CPAP: variants seen among roughly 807,000 people sequenced by gnomAD.
The protein encoded by CPAP is centrosome assembly and centriole elongation protein.
the CPAP span, among the ~76,000 whole-genome samples, chr13:24,903,740 T>C: frequency 7.2e-5 from 11 of 152,318 alleles, no homozygotes; most frequent in Middle Eastern, 3.4e-3. Context: ...AATTCCCCTT[T>C]GTACACATCA....
the CPAP span, among the ~76,000 whole-genome samples, chr13:24,921,380 G>C: frequency 0.52 from 79,242 of 151,878 alleles, 20,755 homozygotes; most frequent in Middle Eastern, 0.61. Flanking sequence ...ACATACTGAA[G>C]ACCACCTGGT....
chr13:24,889,534 C>A, the CPAP span: 1 of 675,714 alleles, frequency 1.5e-6, no homozygotes, highest in Non-Finnish European at 2.6e-6. Flanking sequence ...ATTTATACAA[C>A]AGGCCAAAGC....
the CPAP span, among the ~76,000 whole-genome samples, chr13:24,887,989 TC>T: frequency 6.6e-6 from 1 of 152,218 alleles, no homozygotes; most frequent in East Asian, 1.9e-4. Context: ...AGAGGGCAGT[TC>T]CGGGCTGCCA....
chr13:24,905,449 C>A, the CPAP span: 1 of 1,614,150 alleles, frequency 6.2e-7, no homozygotes, highest in Non-Finnish European at 8.5e-7. Context: ...TCATCAGCTC[C>A]GATGTAGGAG....
chr13:24,893,438 G>A, the CPAP span, among the ~76,000 whole-genome samples: 16 of 152,256 alleles, frequency 1.1e-4, no homozygotes, highest in African/African-American at 3.6e-4. Context: ...CTAGAGTCGA[G>A]GAAGGAGCAG....
At chr13:24,916,043 A>G in the CPAP span, among the ~76,000 whole-genome samples, 1 of 152,200 alleles carries the variant, frequency 6.6e-6, no homozygotes, top group Non-Finnish European at 1.5e-5. Context: ...GCATGACAGA[A>G]TAAGAAATTG....
the CPAP span, among the ~76,000 whole-genome samples, chr13:24,888,313 T>C: frequency 6.4e-3 from 976 of 151,646 alleles, 8 homozygotes; most frequent in Non-Finnish European, 7.9e-3. Flanking sequence ...ATATTAGCAG[T>C]GCTTGTAACT....
chr13:24,882,352 T>C, the CPAP span: 1 of 151,916 alleles, frequency 6.6e-6, no homozygotes, highest in Non-Finnish European at 1.5e-5. Context: ...CAAAACCTGA[T>C]TCATAGTATA....
the CPAP span, chr13:24,905,218 T>C: frequency 1.2e-6 from 1 of 857,088 alleles, no homozygotes; most frequent in Non-Finnish European, 1.9e-6. Flanking sequence ...TTTTTACAAA[T>C]CACCCATTAA....
At chr13:24,932,943 T>C in the CPAP span, 3 of 1,159,692 alleles carry the variant, frequency 2.6e-6, no homozygotes, top group South Asian at 1.3e-5. Context: ...TGTATAACAA[T>C]TCTAAATTCA....
chr13:24,899,836 T>A, the CPAP span, among the ~76,000 whole-genome samples: 10 of 152,110 alleles, frequency 6.6e-5, no homozygotes, highest in Non-Finnish European at 1.3e-4. Context: ...CTGGGCACAG[T>A]GGCTCAAGTC....
chr13:24,892,846 C>G, the CPAP span: 1 of 1,608,830 alleles, frequency 6.2e-7, no homozygotes. Context: ...TCCCGTAAAT[C>G]TGCTATTTGC....
chr13:24,903,398 T>G, the CPAP span, among the ~76,000 whole-genome samples: 12 of 152,162 alleles, frequency 7.9e-5, no homozygotes, highest in African/African-American at 2.9e-4. Flanking sequence ...GAATGCCATG[T>G]GAAGACACAC....
chr13:24,920,024 G>A, the CPAP span, among the ~76,000 whole-genome samples: 1 of 151,956 alleles, frequency 6.6e-6, no homozygotes, highest in East Asian at 1.9e-4. Context: ...CTCCTGCTTC[G>A]GCCTCCCAAA....
the CPAP span, among the ~76,000 whole-genome samples, chr13:24,910,516 T>C: frequency 3.0e-3 from 461 of 152,240 alleles, no homozygotes; most frequent in Non-Finnish European, 4.9e-3. Flanking sequence ...TGAGCCACTA[T>C]GTCTAGCCTG....
At chr13:24,883,257 G>A in the CPAP span, 1 of 1,613,886 alleles carries the variant, frequency 6.2e-7, no homozygotes, top group East Asian at 2.2e-5. Flanking sequence ...GTTTCTTGAT[G>A]ACCGTTTGCA....
At chr13:24,898,659 T>C in the CPAP span, among the ~76,000 whole-genome samples, 5 of 152,192 alleles carry the variant, frequency 3.3e-5, no homozygotes. Context: ...CTGAACACCA[T>C]GCTATTCAAT....
chr13:24,906,009 C>T, the CPAP span: 3 of 1,614,036 alleles, frequency 1.9e-6, no homozygotes, highest in African/African-American at 4.0e-5. Context: ...TTTTGGACGG[C>T]TTTCCTGATT....
At chr13:24,902,256 C>A in the CPAP span, among the ~76,000 whole-genome samples, 5 of 151,692 alleles carry the variant, frequency 3.3e-5, no homozygotes, top group Non-Finnish European at 7.4e-5. Context: ...CAAAAAACAA[C>A]AACAAAAAAA....
Sources: gnomAD v4.1 joint callset for allele counts (sites outside exome capture counted in the v4.1 genomes callset) on GRCh38, gnomAD v4.1.1 for gene constraint, MANE v1.5 for transcripts, NCBI Gene and HGNC (gene_info 2026-07-23, HGNC 2026-07-21) for gene names.